Variants in PLXNA4 observed in about 807,000 individuals in gnomAD.
The protein encoded by PLXNA4 is plexin-A4.
Under a neutral mutation model 191.8 loss-of-function variants are expected in PLXNA4, and 44 were observed. That is an observed-to-expected ratio of 0.23 (90% CI 0.18 to 0.29). The LOEUF is 0.29. Ranked by LOEUF, PLXNA4 falls within the 10% of genes least tolerant of loss-of-function variation. The pLI is 1.00. For synonymous variants in PLXNA4, 1,082 were observed against 1,009.5 expected (o/e 1.07, Z -1.36); for missense variants, 1,800 against 2,488.8 (o/e 0.72, Z 5.89).
chr7:132,507,278 C>T (rs570799647), intron 2 of PLXNA4, among the ~76,000 whole-genome samples: 2 of 152,304 alleles, frequency 1.3e-5, no homozygotes, highest in South Asian at 2.1e-4. Flanking sequence ...GAAAAGTACA[C>T]TGATGGGAAT....
chr7:132,230,651 C>G (rs1028181005), intron 5 of PLXNA4, among the ~76,000 whole-genome samples: 1 of 152,176 alleles, frequency 6.6e-6, no homozygotes, highest in African/African-American at 2.4e-5. Context: ...TACCTTCAGC[C>G]ATTAAGCTAA....
chr7:132,501,349 C>T (rs1248226325), intron 2 of PLXNA4, among the ~76,000 whole-genome samples: 3 of 152,148 alleles, frequency 2.0e-5, no homozygotes, highest in Non-Finnish European at 2.9e-5. Flanking sequence ...CCACTGTGCT[C>T]GGGCTCATGA....
At chr7:132,485,123 A>G in intron 3 of PLXNA4, 1 of 1,455,312 alleles carries the variant, frequency 6.9e-7, no homozygotes, top group Non-Finnish European at 9.2e-7. Flanking sequence ...TGTACTATAT[A>G]CTCCTATTGC....
At chr7:132,192,400 A>G (rs564303164) in intron 14 of PLXNA4, among the ~76,000 whole-genome samples, 10 of 151,622 alleles carry the variant, frequency 6.6e-5, no homozygotes, top group African/African-American at 2.0e-4. Context: ...AAGAAGGAAG[A>G]AGGAGGAGGA....
chr7:132,474,062 CA>C (rs1797029570), intron 3 of PLXNA4, among the ~76,000 whole-genome samples: 1 of 151,314 alleles, frequency 6.6e-6, no homozygotes, highest in Admixed American at 6.6e-5. Flanking sequence ...CAAAACAAAA[CA>C]AAACAAAAAA....
intron 2 of PLXNA4, among the ~76,000 whole-genome samples, chr7:132,637,094 G>T (rs1246164315): frequency 6.6e-6 from 1 of 152,196 alleles, no homozygotes; most frequent in Non-Finnish European, 1.5e-5. Context: ...GGCTCTAAAA[G>T]TCCATTCCCA....
rs1483587947 is a variant in PLXNA4 at position 132,489,174 on chromosome 7, C to T, written c.1371+118G>A. 6 of 1,088,502 alleles carry T rather than the reference C, an allele frequency of 5.5e-6. No individual in the cohort carries two copies. In the African/African-American group the frequency reaches 7.8e-5, roughly 14 times the overall value. 67.4% of individuals were successfully genotyped at this position (1,088,502 alleles called of 1,614,324 possible). ...CCTCAACAGCAGCGTATCTCCTTAG[C>T]TCAAATCTGTATCACCTGCCCACAC... On this transcript the variant is annotated intron_variant, in intron 3 of 31. Transcript: ENST00000321063.
chr7:132,164,102 G>T (rs775765125), intron 24 of PLXNA4, 40 bp downstream of exon 24: 1 of 1,611,216 alleles, frequency 6.2e-7, no homozygotes, highest in Non-Finnish European at 8.5e-7. Context: ...ATGGAAGCCC[G>T]CCTGTCAAAG....
At chr7:132,329,212 C>G (rs1215734054) in intron 3 of PLXNA4, among the ~76,000 whole-genome samples, 1 of 152,156 alleles carries the variant, frequency 6.6e-6, no homozygotes, top group Non-Finnish European at 1.5e-5. Context: ...TCCAAATGCC[C>G]CCACTCCATG....
intron 3 of PLXNA4, among the ~76,000 whole-genome samples, chr7:132,478,393 C>T (rs1248582529): frequency 6.6e-6 from 1 of 152,182 alleles, no homozygotes; most frequent in African/African-American, 2.4e-5. Flanking sequence ...TTACTCATCA[C>T]AAGTGATACT....
chr7:132,319,042 G>GCC (rs935493033), intron 3 of PLXNA4, among the ~76,000 whole-genome samples: 1 of 152,154 alleles, frequency 6.6e-6, no homozygotes, highest in Non-Finnish European at 1.5e-5. Context: ...CCCCAAGGTG[G>GCC]CCCACATAGA....
chr7:132,282,854 G>A (rs1415634750), intron 4 of PLXNA4, among the ~76,000 whole-genome samples: 2 of 151,868 alleles, frequency 1.3e-5, no homozygotes, highest in African/African-American at 4.8e-5. Flanking sequence ...TGGGGATATT[G>A]GGTCATCAGC....
At chr7:132,548,152 C>T (rs1262547120) in intron 1 of PLXNA4, among the ~76,000 whole-genome samples, 4 of 152,210 alleles carry the variant, frequency 2.6e-5, no homozygotes, top group East Asian at 1.9e-4. Flanking sequence ...AGGAATGCCA[C>T]GTCCCAAATC....
chr7:132,582,095 C>G (rs567184172), upstream of PLXNA4, among the ~76,000 whole-genome samples: 2 of 152,042 alleles, frequency 1.3e-5, no homozygotes, highest in Non-Finnish European at 2.9e-5. Flanking sequence ...GGGGTTAAGT[C>G]CTGGGAGGCA....
chr7:132,193,744 T>C (rs1312861064), intron 14 of PLXNA4, among the ~76,000 whole-genome samples: 1 of 152,184 alleles, frequency 6.6e-6, no homozygotes, highest in African/African-American at 2.4e-5. Context: ...AGGAGTTGCC[T>C]TGTGAAGTCC....
Position 132,435,952 on chromosome 7 carries a change from A to T in PLXNA4, c.1371+53340T>A, listed in dbSNP as rs140649349. Among the ~76,000 whole-genome samples the T allele has an allele frequency of 5.8e-4, 89 of 152,304 alleles. No individual in the cohort carries two copies. The East Asian group carries it at 0.016, about 27-fold the overall frequency. ...GCAAATTGTTGGGATAGAAAGAACA[A>T]TAGTACTAATATTCTCTAAATTAGA... On this transcript the variant is annotated intron_variant, in intron 3 of 31. Coordinates refer to ENST00000321063, the MANE Select transcript of PLXNA4 (RefSeq NM_020911.2).
chr7:132,594,957 A>AATT (rs1288854446), intron 2 of PLXNA4, among the ~76,000 whole-genome samples: 151 of 115,536 alleles, frequency 1.3e-3, no homozygotes, highest in East Asian at 4.2e-3. Context: ...ATAGATAGAT[A>AATT]GATAGATAAT....
intron 2 of PLXNA4, among the ~76,000 whole-genome samples, chr7:132,628,742 A>G (rs1202008220): frequency 6.6e-6 from 1 of 151,868 alleles, no homozygotes; most frequent in African/African-American, 2.4e-5. Flanking sequence ...TCTTATTTTT[A>G]ATTTCTGTGA....
At chr7:132,318,300 C>T (rs561537696) in intron 3 of PLXNA4, among the ~76,000 whole-genome samples, 103 of 152,352 alleles carry the variant, frequency 6.8e-4, no homozygotes, top group African/African-American at 2.4e-3. Flanking sequence ...CTGGCAGCCC[C>T]ATCTGCTCAC....
Sources: allele counts gnomAD v4.1 joint callset (sites outside exome capture counted in the v4.1 genomes callset), GRCh38; gene constraint gnomAD v4.1.1; transcripts MANE v1.5; gene names NCBI Gene and HGNC (gene_info 2026-07-23, HGNC 2026-07-21).